The following SYT14 variants were observed in gnomAD, a reference collection of about 807,000 sequenced individuals.
The protein encoded by SYT14 is synaptotagmin-14.
SYT14 carries 32 observed loss-of-function variants against 74.2 expected under a neutral mutation model. The ratio of observed to expected loss-of-function variants is 0.43; its 90% confidence interval spans 0.33 to 0.58. The LOEUF is 0.58. Ranked by LOEUF, SYT14 falls within the 20% of genes least tolerant of loss-of-function variation. The pLI, the probability that SYT14 is intolerant of heterozygous loss-of-function variation, is 0.05. For missense variants in SYT14, 791 were observed against 981.8 expected (o/e 0.81, Z 2.60); for synonymous variants, 298 against 337.7 (o/e 0.88, Z 1.29).
At chr1:209,996,039 A>G (rs902037112) in intron 2 of SYT14, among the ~76,000 whole-genome samples, 1 of 152,160 alleles carries the variant, frequency 6.6e-6, no homozygotes, top group African/African-American at 2.4e-5. Context: ...AAGATCTCAA[A>G]TGAGCAATCT....
chr1:209,968,293 C>G (rs1353184430), intron 2 of SYT14, among the ~76,000 whole-genome samples: 1 of 152,052 alleles, frequency 6.6e-6, no homozygotes, highest in East Asian at 1.9e-4. Context: ...AGGGGTCACT[C>G]TTGGTGTTCT....
chr1:210,155,969 A>G, intron 8 of SYT14, 59 bp downstream of exon 7: 1 of 1,454,142 alleles, frequency 6.9e-7, no homozygotes, highest in East Asian at 2.3e-5. Flanking sequence ...GACTCTCAGT[A>G]TTAGGGAGTT....
intron 7 of SYT14, among the ~76,000 whole-genome samples, chr1:210,124,746 A>C (rs1454971550): frequency 1.3e-5 from 2 of 152,184 alleles, no homozygotes; most frequent in Non-Finnish European, 2.9e-5. Flanking sequence ...GTCATTATTT[A>C]ATCCCCATTT....
intron 2 of SYT14, among the ~76,000 whole-genome samples, chr1:209,991,423 C>G (rs1251650542): frequency 6.6e-6 from 1 of 152,080 alleles, no homozygotes; most frequent in African/African-American, 2.4e-5. Context: ...GGAATGCAAA[C>G]AACTCAACCA....
chr1:209,972,675 T>C (rs2079277137), intron 2 of SYT14, among the ~76,000 whole-genome samples: 2 of 152,210 alleles, frequency 1.3e-5, no homozygotes, highest in African/African-American at 4.8e-5. Flanking sequence ...CTTCTTGGTA[T>C]TGATTTCTGT....
chr1:210,147,064 G>A lies in SYT14; in HGVS notation c.2035-8657G>A, dbSNP rs763238929. ...CCACCATGAATGACAGTAGATGCAA[G>A]AGAAAGATGTGTTGGCAGCTCTAGA... is the stretch of plus-strand genomic sequence containing the variant. On this transcript the variant is annotated intron_variant, in intron 7 of 9. Transcript: ENST00000637265. Among the ~76,000 whole-genome samples the A allele has an allele frequency of 2.6e-5, 4 of 152,082 alleles. No individual in the cohort carries two copies. In the East Asian group the frequency reaches 7.7e-4, roughly 29 times the overall value.
chr1:209,973,852 C>G (rs1407769169), intron 2 of SYT14, among the ~76,000 whole-genome samples: 1 of 152,186 alleles, frequency 6.6e-6, no homozygotes, highest in African/African-American at 2.4e-5. Context: ...TCCTATTTCT[C>G]CACATCCTCT....
chr1:209,966,091 C>T (rs1036794324), intron 2 of SYT14: 75 of 356,258 alleles, frequency 2.1e-4, no homozygotes, highest in Non-Finnish European at 3.7e-4. Flanking sequence ...AGGGTGGTCT[C>T]GATCGCTTGA....
In SYT14 at chr1:209,991,804, T is replaced by C. The variant is rs2079691772; in HGVS notation, c.-485-21829T>C. 4.7e-5 allele frequency among the ~76,000 whole-genome samples: 7 copies of C among 148,268 alleles called. No homozygotes were observed. The Admixed American group carries it at 4.8e-4, about 10-fold the overall frequency. ...AAGATCACACCACTGCACTCCAGCC[T>C]GGGCGATAAAGCGAGACTCCGTCTC... On this transcript the variant is annotated intron_variant, in intron 2 of 9. Transcript: ENST00000637265.
At chr1:209,957,249 T>C (rs2079008195) in intron 2 of SYT14, among the ~76,000 whole-genome samples, 1 of 152,188 alleles carries the variant, frequency 6.6e-6, no homozygotes, top group Admixed American at 6.5e-5. Flanking sequence ...CTCTCTCTCG[T>C]AGCTTTTCTC....
chr1:210,077,170 A>G (rs1239591592), intron 5 of SYT14, among the ~76,000 whole-genome samples: 1 of 152,152 alleles, frequency 6.6e-6, no homozygotes, highest in Admixed American at 6.5e-5. Context: ...GGCTTCAGGG[A>G]GCTTTTACCC....
chr1:210,064,366 C>G (rs537302358), intron 5 of SYT14, among the ~76,000 whole-genome samples: 1 of 152,050 alleles, frequency 6.6e-6, no homozygotes, highest in Admixed American at 6.6e-5. Flanking sequence ...TCACTATTAA[C>G]TATTTCCAGA....
At chr1:210,162,934 T>G (rs2083402592) in exon 10 of SYT14, 1 of 452,096 alleles carries the variant, frequency 2.2e-6, no homozygotes, top group South Asian at 1.6e-5. Flanking sequence ...TTTCCAGGAT[T>G]TTTCAAATAA....
At chr1:210,104,468 C>G (rs187300867) in intron 7 of SYT14, among the ~76,000 whole-genome samples, 39 of 152,300 alleles carry the variant, frequency 2.6e-4, no homozygotes, top group African/African-American at 8.4e-4. Context: ...ATGCCAAACT[C>G]AGTAGCTAGA....
chr1:210,135,597 T>C (rs2082768923), intron 7 of SYT14, among the ~76,000 whole-genome samples: 1 of 152,218 alleles, frequency 6.6e-6, no homozygotes, highest in Non-Finnish European at 1.5e-5. Flanking sequence ...ATTGACTTTT[T>C]TTCCTTAATA....
chr1:210,082,988 TTTC>T (rs1252132903), intron 5 of SYT14, among the ~76,000 whole-genome samples: 1 of 152,106 alleles, frequency 6.6e-6, no homozygotes, highest in Non-Finnish European at 1.5e-5. Context: ...CTTTTTTTTT[TTTC>T]TTTTTTTGAG....
intron 7 of SYT14, among the ~76,000 whole-genome samples, chr1:210,151,514 T>C (rs74156300): frequency 0.059 from 1,696 of 28,632 alleles, 37 homozygotes; most frequent in South Asian, 0.17. Context: ...GCCCCCCCCC[T>C]TTTTTTTTTT....
intron 2 of SYT14, among the ~76,000 whole-genome samples, chr1:209,986,958 A>G (rs1340582014): frequency 6.6e-6 from 1 of 152,168 alleles, no homozygotes; most frequent in Non-Finnish European, 1.5e-5. Context: ...ACAGATCCCT[A>G]GGACATGAAC....
At chr1:210,132,567 TTG>T (rs3031264) in intron 7 of SYT14, among the ~76,000 whole-genome samples, 1,924 of 144,916 alleles carry the variant, frequency 0.013, 25 homozygotes, top group African/African-American at 0.029. Flanking sequence ...ATTTTATATA[TTG>T]TGTGTGTGTG....
Sources: gnomAD v4.1 joint callset for allele counts (sites outside exome capture counted in the v4.1 genomes callset) on GRCh38, gnomAD v4.1.1 for gene constraint, MANE v1.5 for transcripts, NCBI Gene and HGNC (gene_info 2026-07-23, HGNC 2026-07-21) for gene names.